KNL1: variants seen among roughly 807,000 people sequenced by gnomAD.
The protein encoded by KNL1 is kinetochore scaffold 1.
KNL1 carries 66 observed loss-of-function variants against 201.3 expected under a neutral mutation model. The observed-to-expected ratio is 0.33, with a 90% CI of 0.27 to 0.40. The LOEUF (loss-of-function observed/expected upper bound fraction) is 0.40, where lower values mean the gene tolerates loss of function less well. Ranked by LOEUF, KNL1 falls within the 10% of genes least tolerant of loss-of-function variation. The probability of loss-of-function intolerance (pLI) is 1.00; values close to 1 mark genes in which losing one functional copy is unlikely to be tolerated. For missense variants in KNL1, 2,815 were observed against 2,690.5 expected, an observed-to-expected ratio of 1.05 and a Z score of -1.02; for synonymous variants, 895 against 899.2, an observed-to-expected ratio of 1.00 and a Z score of 0.08.
At chr15:40,629,406 A>T in intron 13 of KNL1, 35 bp downstream of exon 13, 1 of 1,412,552 alleles carries the variant, frequency 7.1e-7, no homozygotes, top group South Asian at 1.2e-5. Flanking sequence ...GTTTGCATCA[A>T]AGCAAACATT....
intron 13 of KNL1, among the ~76,000 whole-genome samples, chr15:40,635,533 T>A (rs1317832116): frequency 6.6e-6 from 1 of 152,066 alleles, no homozygotes; most frequent in African/African-American, 2.4e-5. Flanking sequence ...TTTGTATTTT[T>A]AGTAGAGGCA....
At chr15:40,633,046 A>C (rs541191862) in intron 13 of KNL1, among the ~76,000 whole-genome samples, 1 of 152,174 alleles carries the variant, frequency 6.6e-6, no homozygotes, top group East Asian at 1.9e-4. Context: ...ATTTTTATGG[A>C]GGCCAGGCAT....
chr15:40,613,943 G>A (rs28529389), intron 7 of KNL1, among the ~76,000 whole-genome samples: 57,541 of 151,320 alleles, frequency 0.38, 11,458 homozygotes, highest in Non-Finnish European at 0.44. Context: ...GACTACAGGC[G>A]CCTGCCACCA....
In KNL1 at chr15:40,625,062, G is replaced by C. The variant is rs370659986; in HGVS notation, c.4798G>C (p.Val1600Leu). ...TAAGGCACACAATGATATGCATATA[G>C]TGCAAGCTACAGAAATACATAATAT... ...GNKAHNDMHI[V>L]QATEIHNINI... Residue 1600 changes from valine to leucine, a missense_variant, in exon 10 of 26, where the codon GTG becomes CTG. Around this residue, in one of 3 missense-constraint regions of KNL1, gnomAD observed 2,464 missense variants for 2,291.7 expected, o/e 1.08. Transcript: ENST00000399668. The C allele has an allele frequency of 3.7e-6, 6 of 1,613,722 alleles. No homozygotes were observed. Among genetic ancestry groups the C allele is most frequent in the Non-Finnish European group, 5.1e-6 (6 of 1,179,804 alleles).
chr15:40,659,367 G>C lies in KNL1; in HGVS notation c.6742G>C (p.Ala2248Pro). 1.2e-6 allele frequency: 2 copies of C among 1,613,178 alleles called. No homozygotes were observed. Among genetic ancestry groups the C allele is most frequent in the African/African-American group, 2.7e-5 (2 of 74,992 alleles). ...ELRLLFSSSA[A>P]FAKFEITLFL... Reference sequence around the variant, plus strand: ...GAGACTTTTATTCTCTAGCTCCGCAGCATTTGCAAAGTTTGAAATAACTTT... The same window carrying C: ...GAGACTTTTATTCTCTAGCTCCGCACCATTTGCAAAGTTTGAAATAACTTT... Residue 2248 changes from alanine (A) to proline (P), a missense_variant, in exon 25 of 26, where the codon GCA becomes CCA. By Grantham distance (27) the Ala-to-Pro change is conservative. Around this residue, in one of 3 missense-constraint regions of KNL1, gnomAD observed 334 missense variants for 362.6 expected, o/e 0.92. Coordinates refer to ENST00000399668, the MANE Select transcript of KNL1 (RefSeq NM_144508.5).
At chr15:40,650,669 T>G in intron 19 of KNL1, 86 bp downstream of exon 19, 1 of 1,243,208 alleles carries the variant, frequency 8.0e-7, no homozygotes. Flanking sequence ...CTGACAGGAT[T>G]TGGGGACATG....
intron 10 of KNL1, 113 bp downstream of exon 10, chr15:40,625,753 T>C: frequency 1.3e-6 from 1 of 754,004 alleles, no homozygotes; most frequent in East Asian, 2.7e-5. Flanking sequence ...CAGAAAATAA[T>C]TATTTCCACT....
intron 21 of KNL1, among the ~76,000 whole-genome samples, chr15:40,652,455 CT>C (rs35374662): frequency 0.62 from 74,772 of 119,876 alleles, 19,726 homozygotes; most frequent in Middle Eastern, 0.75. Flanking sequence ...GCTGGAGATT[CT>C]TTTTTTTTTT....
intron 25 of KNL1, among the ~76,000 whole-genome samples, chr15:40,661,651 G>A (rs1302786759): frequency 1.3e-5 from 2 of 152,154 alleles, no homozygotes; most frequent in Non-Finnish European, 2.9e-5. Context: ...TGGATATCTG[G>A]TTATTTCCAG....
chr15:40,620,253 G>A (rs555374977), intron 9 of KNL1, among the ~76,000 whole-genome samples: 5 of 147,340 alleles, frequency 3.4e-5, no homozygotes, highest in African/African-American at 1.3e-4. Context: ...TTGCTCTGTT[G>A]CCCAGGCAGT....
chr15:40,638,858 C>T (rs1027962236), intron 13 of KNL1, among the ~76,000 whole-genome samples: 1 of 150,400 alleles, frequency 6.6e-6, no homozygotes, highest in Middle Eastern at 3.4e-3. Context: ...GTTGCACAGG[C>T]TGGAGTGCAA....
chr15:40,628,063 A>G lies in KNL1; in HGVS notation c.5377-7A>G, dbSNP rs749592367. ...TTCTGATGATATTCCTTAATTGACA[A>G]TTTCAGATTTTTGATCACCATACTG... On this transcript the variant is annotated splice_polypyrimidine_tract_variant and splice_region_variant and intron_variant, in intron 10 of 25. Transcript: ENST00000399668. 1.0e-5 allele frequency: 16 copies of G among 1,578,088 alleles called. No individual in the cohort carries two copies. The highest frequency in any genetic ancestry group is 3.5e-5 in the South Asian group (3 of 85,128).
chr15:40,610,794 C>T, intron 6 of KNL1: 2 of 455,518 alleles, frequency 4.4e-6, no homozygotes, highest in South Asian at 3.1e-5. Context: ...ACTGTTGTTC[C>T]CCAGGCTGCA....
At chr15:40,602,147 C>T (rs1891820194) in intron 1 of KNL1, among the ~76,000 whole-genome samples, 1 of 151,722 alleles carries the variant, frequency 6.6e-6, no homozygotes, top group African/African-American at 2.4e-5. Flanking sequence ...CTGCCTCAGC[C>T]TCCTGATTAG....
chr15:40,611,532 A>G (rs1014429179), intron 7 of KNL1, 21 bp downstream of exon 7: 2 of 199,558 alleles, frequency 1.0e-5, no homozygotes, highest in African/African-American at 2.4e-5. Flanking sequence ...TTCAAATTAT[A>G]TTTAAAAAGT....
intron 22 of KNL1, among the ~76,000 whole-genome samples, chr15:40,655,194 A>AG (rs1893688504): frequency 1.3e-5 from 2 of 152,160 alleles, no homozygotes; most frequent in African/African-American, 4.8e-5. Context: ...GCTACTCAGG[A>AG]GGCTGAGACA....
In KNL1 at chr15:40,621,593, C is replaced by G; in HGVS notation, c.1329C>G (p.Leu443=). 1 of 1,610,448 alleles carries G rather than the reference C, an allele frequency of 6.2e-7. No homozygotes were observed. The highest frequency in any genetic ancestry group is 8.5e-7 in the Non-Finnish European group (1 of 1,178,426). The change falls in exon 10 of 26, where the codon CTC becomes CTG. Residue 443 remains leucine, a synonymous_variant. Transcript: ENST00000399668. ...ATGCCATGGAAATGACCAAATGTCT[C>G]TCAAATATGAGAGAGGAGAAAAATT... ...CNDAMEMTKC[L]SNMREEKNLL...
intron 9 of KNL1, among the ~76,000 whole-genome samples, chr15:40,620,361 A>G (rs954079743): frequency 4.6e-5 from 7 of 152,018 alleles, no homozygotes; most frequent in African/African-American, 1.7e-4. Context: ...GCCCGCCACC[A>G]TGCCTGGCTT....
At chr15:40,618,705 G>A (rs115123169) in intron 8 of KNL1, among the ~76,000 whole-genome samples, 198 of 151,966 alleles carry the variant, frequency 1.3e-3, no homozygotes, top group African/African-American at 4.6e-3. Flanking sequence ...TTGAGGTGGT[G>A]GATATTCCAG....
Sources: allele counts gnomAD v4.1 joint callset (sites outside exome capture counted in the v4.1 genomes callset), GRCh38; gene constraint gnomAD v4.1.1; regional missense constraint gnomAD v4.1.1; transcripts MANE v1.5; gene names NCBI Gene and HGNC (gene_info 2026-07-23, HGNC 2026-07-21).